Variants in CATIP observed in about 807,000 individuals in gnomAD.
CATIP encodes the protein ciliogenesis associated TTC17 interacting protein.
CATIP carries 40 observed loss-of-function variants against 42.5 expected under a neutral mutation model. The ratio of observed to expected loss-of-function variants is 0.94; its 90% CI spans 0.73 to 1.22. The LOEUF is 1.22. Among genes scored for constraint, CATIP ranks in the 50% most tolerant of loss-of-function variants. The pLI, the probability that CATIP is intolerant of heterozygous loss-of-function variation, is 0.00. For synonymous variants in CATIP, 222 were observed against 200.2 expected, an observed-to-expected ratio of 1.11 and a Z score of -0.92; for missense variants, 489 against 496.0, an observed-to-expected ratio of 0.99 and a Z score of 0.13.
rs755159874 is a variant in CATIP, at chr2:218,358,108, C to T, written c.375+16C>T. On this transcript the variant is annotated intron_variant, in intron 4 of 9. Transcript: ENST00000289388. The stretch of plus-strand genomic sequence containing the variant: ...CTTCATCAAGGTACTTCCCAGGGCC[C>T]CAGCCTTGACCCAATCCAGGGGAGA... 1.2e-6 allele frequency: 2 copies of T among 1,607,230 alleles called. No individual in the cohort carries two copies. The highest frequency in any genetic ancestry group is 2.2e-5 in the South Asian group (2 of 90,408).
chr2:218,365,205 G>A (rs923661027), intron 7 of CATIP, among the ~76,000 whole-genome samples: 16 of 152,188 alleles, frequency 1.1e-4, no homozygotes, highest in Admixed American at 6.5e-4. Context: ...ATGAGGTCAG[G>A]AAATTGAGAC....
chr2:218,362,279 G>T (rs1695263120), intron 5 of CATIP, among the ~76,000 whole-genome samples: 1 of 151,608 alleles, frequency 6.6e-6, no homozygotes. Flanking sequence ...CTTGAACCTG[G>T]GAGCTGGAGG....
At chr2:218,367,578 C>T (rs1553518630) in intron 9 of CATIP, 60 bp downstream of exon 9, 1 of 1,602,452 alleles carries the variant, frequency 6.2e-7, no homozygotes. Context: ...AAATTCATTA[C>T]TGATCTCTGC....
chr2:218,357,933 G>A (rs1695093495), intron 3 of CATIP, 104 bp from the exon 4 acceptor site: 2 of 1,190,858 alleles, frequency 1.7e-6, no homozygotes, highest in Middle Eastern at 1.9e-4. Context: ...AGTTTTTCTG[G>A]GACCGTATTA....
rs570721283 is a variant in CATIP at position 218,362,621 on chromosome 2, G to A, written c.463-114G>A. The A allele has an allele frequency of 1.4e-4, 152 of 1,058,258 alleles. No homozygotes were observed. The African/African-American group carries it at 1.6e-3, about 11-fold the overall frequency. 65.6% of individuals were successfully genotyped at this position (1,058,258 alleles called of 1,614,324 possible). Reference sequence around the variant, plus strand: ...CACTCCAGCCTGGGTGACAAAAAGCGAAACTCTGTCTCAAAAAAAAACAAA... The same window carrying A: ...CACTCCAGCCTGGGTGACAAAAAGCAAAACTCTGTCTCAAAAAAAAACAAA... On this transcript the variant is annotated intron_variant, in intron 5 of 9. Transcript: ENST00000289388.
At chr2:218,360,727 G>A in intron 5 of CATIP, 68 bp downstream of exon 5, 2 of 1,217,902 alleles carry the variant, frequency 1.6e-6, no homozygotes, top group Non-Finnish European at 2.4e-6. Flanking sequence ...GACAGGTCCA[G>A]ATCAATTTAG....
At chr2:218,364,879 C>T (rs1280068394) in intron 7 of CATIP, 127 bp downstream of exon 7, 3 of 1,048,948 alleles carry the variant, frequency 2.9e-6, no homozygotes, top group African/African-American at 1.6e-5. Context: ...CCGCTTTATC[C>T]ATATCATTCA....
At chr2:218,356,987 GA>G in intron 1 of CATIP, 78 bp downstream of exon 1, 1 of 1,595,244 alleles carries the variant, frequency 6.3e-7, no homozygotes, top group Non-Finnish European at 8.6e-7. Context: ...AGTCTTAGAG[GA>G]TTCTGTTCTT....
chr2:218,362,830 G>A lies in CATIP; in HGVS notation c.558G>A (p.Trp186Ter), dbSNP rs1456348391. ...TGGTGCTGCTCAGGGTGATGGCCTG[G>A]CGGCGGATGGTGCCCAGCAATGCCC... ...ANLVLLRVMA[W>*]RRMVPSNARF... The change falls in exon 6 of 10, where the codon TGG (tryptophan) becomes TGA (stop). Residue 186 changes from tryptophan to a stop codon, truncating the protein, a stop_gained. Coordinates refer to ENST00000289388, the MANE Select transcript of CATIP (RefSeq NM_198559.2). LOFTEE classifies it high-confidence loss of function. 9.3e-6 allele frequency: 15 copies of A among 1,614,090 alleles called. No individual in the cohort carries two copies. Among genetic ancestry groups the A allele is most frequent in the Non-Finnish European group, 1.3e-5 (15 of 1,180,014 alleles).
At position 218,360,429 on chromosome 2, in the gene CATIP, C is replaced by A. The variant is rs148848265; in HGVS notation, c.376-144C>A. 67 of 627,830 alleles carry A rather than the reference C, an allele frequency of 1.1e-4. 1 individual carries two copies. The Admixed American group carries it at 1.6e-3, about 15-fold the overall frequency. 38.9% of individuals were successfully genotyped at this position (627,830 alleles called of 1,614,324 possible). Reference sequence around the variant, plus strand: ...CCTCCCACAGTGCTAGGATTACAGGCGTGAGCCACTGTGCCCGGCCCGGCT... The same window carrying A: ...CCTCCCACAGTGCTAGGATTACAGGAGTGAGCCACTGTGCCCGGCCCGGCT... On this transcript the variant is annotated intron_variant, in intron 4 of 9. Transcript: ENST00000289388.
At position 218,362,407 on chromosome 2, in the gene CATIP, A is replaced by AG. The variant is rs1417629248; in HGVS notation, c.463-323dup. On this transcript the variant is annotated intron_variant, in intron 5 of 9. Coordinates refer to ENST00000289388, the MANE Select transcript of CATIP (RefSeq NM_198559.2). Reference sequence around the variant, plus strand: ...GTAATCCCAACACTTTGGGAGGCAGAGGGGGCCTATCACCTCAGGTCAGGA... The same window carrying AG: ...GTAATCCCAACACTTTGGGAGGCAGAGGGGGGCCTATCACCTCAGGTCAGGA... Among the ~76,000 whole-genome samples the AG allele has an allele frequency of 3.3e-5, 5 of 151,142 alleles. No homozygotes were observed. The East Asian group carries it at 9.8e-4, about 29-fold the overall frequency.
chr2:218,358,128 G>A (rs745793158), intron 4 of CATIP, 36 bp downstream of exon 4: 47 of 1,570,148 alleles, frequency 3.0e-5, no homozygotes, highest in South Asian at 5.7e-5. Flanking sequence ...CCCAATCCAG[G>A]GGAGAGAAGA....
rs998850794 is a variant in CATIP at position 218,362,674 on chromosome 2, A to G, written c.463-61A>G. On this transcript the variant is annotated intron_variant, in intron 5 of 9. Transcript: ENST00000289388. Reference sequence around the variant, plus strand: ...CGTATGCCCAACACCTGGCTTGCCCACCCTCCTGTCCCCTGCCCCTTCCTG... The same window carrying G: ...CGTATGCCCAACACCTGGCTTGCCCGCCCTCCTGTCCCCTGCCCCTTCCTG... The G allele has an allele frequency of 4.6e-6, 7 of 1,520,174 alleles. No homozygotes were observed. In the African/African-American group the frequency reaches 9.8e-5, roughly 21 times the overall value. 94.2% of individuals were successfully genotyped at this position (1,520,174 alleles called of 1,614,324 possible).
At chr2:218,363,046 G>C in intron 6 of CATIP, 144 bp downstream of exon 6, 1 of 744,886 alleles carries the variant, frequency 1.3e-6, no homozygotes. Context: ...GGCTTTCAAG[G>C]GCAGGAAAGC....
chr2:218,357,297 A>G, intron 2 of CATIP, 110 bp downstream of exon 2: 5 of 477,364 alleles, frequency 1.0e-5, no homozygotes, highest in Non-Finnish European at 1.6e-5. Flanking sequence ...CTCTTCCTTG[A>G]TTCTCCTGGG....
intron 5 of CATIP, 102 bp from the exon 6 acceptor site, chr2:218,362,633 C>CAA: frequency 5.2e-6 from 6 of 1,158,560 alleles, no homozygotes; most frequent in Non-Finnish European, 7.3e-6. Flanking sequence ...AACTCTGTCT[C>CAA]AAAAAAAAAC....
Position 218,362,799 on chromosome 2 carries a change from C to T in CATIP, c.527C>T (p.Ala176Val), listed in dbSNP as rs776271441. The T allele has an allele frequency of 9.9e-6, 16 of 1,614,018 alleles. No homozygotes were observed. Among genetic ancestry groups the T allele is most frequent in the Non-Finnish European group, 1.4e-5 (16 of 1,180,030 alleles). The change falls in exon 6 of 10, where the codon GCC becomes GTC. Residue 176 changes from alanine (A) to valine (V), a missense_variant. Transcript: ENST00000289388. ...ATCAAGGGCTTCATCTCAGAGGCTG[C>T]CAACCTGGTGCTGCTCAGGGTGATG... ...SSIKGFISEA[A>V]NLVLLRVMAW... is the part of the protein sequence containing the mutation.
chr2:218,362,046 C>T (rs1048973267), intron 5 of CATIP, among the ~76,000 whole-genome samples: 5 of 151,558 alleles, frequency 3.3e-5, no homozygotes, highest in African/African-American at 1.2e-4. Context: ...AGGATTCATT[C>T]ATTAAAAACC....
Position 218,365,141 on chromosome 2 carries a change from G to A in CATIP, c.755+389G>A, listed in dbSNP as rs542945658. On this transcript the variant is annotated intron_variant, in intron 7 of 9. Coordinates refer to ENST00000289388, the MANE Select transcript of CATIP (RefSeq NM_198559.2). ...ATCATAAGAAAATTCAGGGCTGGGCGTGGTGGCTCACACCTGTAATCCCAG... is the reference window on the plus strand; with the variant it reads ...ATCATAAGAAAATTCAGGGCTGGGCATGGTGGCTCACACCTGTAATCCCAG... Among the ~76,000 whole-genome samples, 9 of 152,284 alleles carry A rather than the reference G, an allele frequency of 5.9e-5. No homozygotes were observed. In the South Asian group the frequency reaches 8.3e-4, roughly 14 times the overall value.
Sources: gnomAD v4.1 joint callset for allele counts (sites outside exome capture counted in the v4.1 genomes callset) on GRCh38, gnomAD v4.1.1 for gene constraint, MANE v1.5 for transcripts, NCBI Gene and HGNC (gene_info 2026-07-23, HGNC 2026-07-21) for gene names.